The following LMO3 variants were observed in gnomAD, a reference collection of about 807,000 sequenced individuals.
LMO3 encodes LIM domain only protein 3.
Under a neutral mutation model 15.8 loss-of-function variants are expected in LMO3, and 2 were observed. The observed-to-expected ratio is 0.13, with a 90% CI of 0.05 to 0.40. The LOEUF is 0.40. Among genes scored for constraint, LMO3 ranks in the 10% least tolerant of loss-of-function variants. The pLI, the probability that LMO3 is intolerant of heterozygous loss-of-function variation, is 0.99. For missense variants in LMO3, 86 were observed against 182.2 expected (o/e 0.47, Z 3.04); for synonymous variants, 62 against 63.8 (o/e 0.97, Z 0.13).
rs1002148063 is a variant in LMO3, at chr12:16,549,695, C to T, written c.*1527G>A. The T allele has an allele frequency of 2.6e-5, 4 of 152,036 alleles. No individual in the cohort carries two copies. Among genetic ancestry groups the T allele is most frequent in the African/African-American group, 9.7e-5 (4 of 41,416 alleles). 9.4% of individuals were successfully genotyped at this position (152,036 alleles called of 1,614,324 possible). ...TTTGCTGTAGTGAAAATATGGTTAACGGTGCCGTGCAAAATTAGATTTGTT... is the reference window on the plus strand; with the variant it reads ...TTTGCTGTAGTGAAAATATGGTTAATGGTGCCGTGCAAAATTAGATTTGTT... On this transcript the variant is annotated 3_prime_UTR_variant, in exon 4 of 4. Transcript: ENST00000537304.
At chr12:16,562,421 T>G (rs893317484) in intron 2 of LMO3, among the ~76,000 whole-genome samples, 1 of 152,200 alleles carries the variant, frequency 6.6e-6, no homozygotes, top group South Asian at 2.1e-4. Context: ...TTCAGTTTGT[T>G]CATATCTAAT....
intron 2 of LMO3, among the ~76,000 whole-genome samples, chr12:16,567,856 G>T (rs1942670738): frequency 6.6e-6 from 1 of 152,038 alleles, no homozygotes; most frequent in Non-Finnish European, 1.5e-5. Flanking sequence ...GGCAGCAGTG[G>T]GTGCTCAAGC....
chr12:16,553,916 T>TA (rs1312164776), intron 3 of LMO3, among the ~76,000 whole-genome samples: 1 of 151,590 alleles, frequency 6.6e-6, no homozygotes, highest in East Asian at 1.9e-4. Flanking sequence ...GAGGATACTG[T>TA]AAGTATATTA....
chr12:16,577,805 G>A (rs1219914623), intron 2 of LMO3, among the ~76,000 whole-genome samples: 3 of 152,096 alleles, frequency 2.0e-5, no homozygotes, highest in Non-Finnish European at 4.4e-5. Context: ...GCCCATGATG[G>A]TTCTCTGGAT....
At chr12:16,552,386 A>C (rs1591763684) in intron 3 of LMO3, among the ~76,000 whole-genome samples, 1 of 152,056 alleles carries the variant, frequency 6.6e-6, no homozygotes, top group East Asian at 1.9e-4. Context: ...GTTCCAGCAG[A>C]AATCTTAGTG....
intron 1 of LMO3, chr12:16,605,666 T>C (rs1035227798): frequency 8.5e-7 from 1 of 1,177,350 alleles, no homozygotes. Flanking sequence ...AGCAAACACT[T>C]CCTAATTCCA....
chr12:16,582,999 A>C lies in LMO3; in HGVS notation c.206+17656T>G, dbSNP rs1377507373. On this transcript the variant is annotated intron_variant, in intron 2 of 3. Coordinates refer to ENST00000537304, the MANE Select transcript of LMO3 (RefSeq NM_018640.5). This position sits in a 1 kb window ranked among gnomAD's most constrained non-coding sequence, Gnocchi z 4.1. ...GAGGCAGAGGTTGTAGTGAGCTGAGATCACTCCACTGCACTCTAGCCTGGG... is the reference window on the plus strand; with the variant it reads ...GAGGCAGAGGTTGTAGTGAGCTGAGCTCACTCCACTGCACTCTAGCCTGGG... 1.3e-5 allele frequency among the ~76,000 whole-genome samples: 2 copies of C among 148,422 alleles called. No individual in the cohort carries two copies. The highest frequency in any genetic ancestry group is 2.1e-4 in the South Asian group (1 of 4,716).
Position 16,550,804 on chromosome 12 carries a change from CATAAAT to C in LMO3, c.*412_*417del, listed in dbSNP as rs1565476829. On this transcript the variant is annotated 3_prime_UTR_variant, in exon 4 of 4. Transcript: ENST00000537304. ...TAAAATAGCTGGTAAATACAGAAAG[CATAAAT>C]ATACAGTAAGTTTAAACACTGATTG... The C allele has an allele frequency of 1.3e-5, 2 of 154,742 alleles. No homozygotes were observed. Among genetic ancestry groups the C allele is most frequent in the African/African-American group, 4.8e-5 (2 of 41,438 alleles). The allele number at this position is 154,742 out of a possible 1,614,324, so 9.6% of individuals were successfully genotyped here. A position where few individuals can be genotyped will look rare whatever the true frequency, so the allele number is the denominator to read the frequency against.
chr12:16,606,030 T>A (rs911780080), intron 1 of LMO3, 36 bp downstream of exon 1: 4 of 595,204 alleles, frequency 6.7e-6, no homozygotes, highest in Non-Finnish European at 1.2e-5. Context: ...ACACCACAAA[T>A]AAGCCGACGC....
intron 2 of LMO3, among the ~76,000 whole-genome samples, chr12:16,595,085 G>A (rs1943608365): frequency 1.3e-5 from 2 of 151,444 alleles, no homozygotes; most frequent in African/African-American, 4.8e-5. Flanking sequence ...TTTCTGCTAA[G>A]TCAGGTATGT....
At chr12:16,580,174 C>G (rs987464991) in intron 2 of LMO3, among the ~76,000 whole-genome samples, 2 of 152,226 alleles carry the variant, frequency 1.3e-5, no homozygotes. Context: ...CTATGTTGCC[C>G]AGGCTGGCCT....
intron 2 of LMO3, among the ~76,000 whole-genome samples, chr12:16,583,046 CAAAAAA>C (rs55665813): frequency 1.6e-5 from 2 of 126,736 alleles, no homozygotes; most frequent in African/African-American, 3.0e-5. Flanking sequence ...GACTCCGCCT[CAAAAAA>C]AAAAAAAAAA....
At chr12:16,552,334 T>C (rs993888979) in intron 3 of LMO3, among the ~76,000 whole-genome samples, 2 of 152,070 alleles carry the variant, frequency 1.3e-5, no homozygotes, top group African/African-American at 2.4e-5. Context: ...CTATGACCTT[T>C]GATAGTAGTC....
chr12:16,579,093 C>T (rs898744044), intron 2 of LMO3, among the ~76,000 whole-genome samples: 2 of 152,040 alleles, frequency 1.3e-5, no homozygotes, highest in African/African-American at 2.4e-5. Context: ...TTTAAAAAGG[C>T]ACTGATTATA....
intron 2 of LMO3, among the ~76,000 whole-genome samples, chr12:16,565,353 T>C (rs992299608): frequency 6.6e-6 from 1 of 152,224 alleles, no homozygotes; most frequent in African/African-American, 2.4e-5. Context: ...TCTCATCTAC[T>C]TTCTTCTTTT....
At chr12:16,564,078 T>G (rs947249070) in intron 2 of LMO3, among the ~76,000 whole-genome samples, 2 of 152,220 alleles carry the variant, frequency 1.3e-5, no homozygotes, top group African/African-American at 2.4e-5. Context: ...TATTAATATC[T>G]GTAGAAATCC....
Position 16,604,759 on chromosome 12 carries a change from G to T in LMO3, c.-9+1307C>A. ...AAAGCAGTTACAACAATAATATTTC[G>T]GTTCTTTCAGAAAGACACAAAAGCA... On this transcript the variant is annotated intron_variant, in intron 1 of 3. Transcript: ENST00000537304. This position sits in a 1 kb window ranked among gnomAD's most constrained non-coding sequence, Gnocchi z 5.3. The T allele has an allele frequency of 1.6e-6, 2 of 1,218,640 alleles. No homozygotes were observed. The highest frequency in any genetic ancestry group is 1.2e-6 in the Non-Finnish European group (1 of 841,304). 75.5% of individuals were successfully genotyped at this position (1,218,640 alleles called of 1,614,324 possible).
chr12:16,605,497 T>C (rs924424143), intron 1 of LMO3: 4 of 379,994 alleles, frequency 1.1e-5, no homozygotes, highest in African/African-American at 2.4e-5. Context: ...GGAACAACAT[T>C]TTGTTATTAT....
At chr12:16,564,957 T>TA (rs200049658) in intron 2 of LMO3, among the ~76,000 whole-genome samples, 290 of 150,534 alleles carry the variant, frequency 1.9e-3, no homozygotes, top group Middle Eastern at 0.014. Context: ...GGCTAATTTT[T>TA]AAAAAAAAAA....
Sources: allele counts gnomAD v4.1 joint callset (sites outside exome capture counted in the v4.1 genomes callset), GRCh38; gene constraint gnomAD v4.1.1; non-coding constraint Gnocchi (gnomAD v3.1); transcripts MANE v1.5; gene names NCBI Gene and HGNC (gene_info 2026-07-23, HGNC 2026-07-21).